Variants in SCNN1G observed in about 807,000 individuals in gnomAD.
SCNN1G encodes the protein sodium channel epithelial 1 subunit gamma.
A neutral mutation model predicts 64.6 loss-of-function variants in SCNN1G; 27 were observed. The ratio of observed to expected loss-of-function variants is 0.42; its 90% CI spans 0.31 to 0.58. The LOEUF is 0.58. SCNN1G is among the 20% of genes least tolerant of loss of function. The pLI, the probability that SCNN1G is intolerant of heterozygous loss-of-function variation, is 0.18. For missense variants in SCNN1G, 743 were observed against 823.4 expected (o/e 0.90, Z 1.19); for synonymous variants, 330 against 314.2 (o/e 1.05, Z -0.53).
Position 23,197,254 on chromosome 16 carries a change from A to G in SCNN1G, c.914-10A>G. 1 of 1,612,738 alleles carries G rather than the reference A, an allele frequency of 6.2e-7. No individual in the cohort carries two copies. Among genetic ancestry groups the G allele is most frequent in the Non-Finnish European group, 8.5e-7 (1 of 1,179,424 alleles). On this transcript the variant is annotated splice_polypyrimidine_tract_variant and intron_variant, in intron 5 of 12. Transcript: ENST00000300061. ...GCCTTGGATCACAGCAGGTTGTCTT[A>G]TCCTCCCAGGGCTGCAAGTCATTTT...
intron 9 of SCNN1G, 40 bp downstream of exon 9, chr16:23,212,796 G>C (rs754031854): frequency 9.3e-6 from 15 of 1,613,708 alleles, no homozygotes; most frequent in Non-Finnish European, 1.3e-5. Flanking sequence ...GGCTGGGTTG[G>C]GTTGGGCTGC....
At chr16:23,213,414 G>C (rs1282367935) in intron 11 of SCNN1G, among the ~76,000 whole-genome samples, 1 of 151,968 alleles carries the variant, frequency 6.6e-6, no homozygotes, top group East Asian at 1.9e-4. Flanking sequence ...CATCACATCT[G>C]GCTAATTTTA....
intron 1 of SCNN1G, among the ~76,000 whole-genome samples, chr16:23,184,119 CT>C (rs1167962434): frequency 2.0e-5 from 3 of 152,166 alleles, no homozygotes; most frequent in Admixed American, 6.5e-5. Context: ...TCTTGTTTTG[CT>C]TTGAAGTTGA....
At chr16:23,196,274 C>G (rs903278054) in intron 5 of SCNN1G, 10 of 152,070 alleles carry the variant, frequency 6.6e-5, no homozygotes, top group African/African-American at 1.9e-4. Context: ...GGGCAAAGGC[C>G]CTGGGAAGGA....
intron 1 of SCNN1G, among the ~76,000 whole-genome samples, chr16:23,185,067 G>A (rs964719338): frequency 7.2e-5 from 11 of 152,258 alleles, no homozygotes; most frequent in Admixed American, 3.3e-4. Flanking sequence ...TGCACCCAGC[G>A]TACTACCAGG....
chr16:23,212,287 T>A lies in SCNN1G; in HGVS notation c.1294+136T>A, dbSNP rs1453612309. The stretch of plus-strand genomic sequence containing the variant: ...ATTGGTTGAGAGCCATTAACTAGAG[T>A]TTTACTTCTGTTGTCAAGCCTGGCT... On this transcript the variant is annotated intron_variant, in intron 8 of 12. Transcript: ENST00000300061. The A allele has an allele frequency of 1.9e-5, 14 of 722,742 alleles. No homozygotes were observed. The Admixed American group carries it at 2.7e-4, about 14-fold the overall frequency. The allele number at this position is 722,742 out of a possible 1,614,324, so 44.8% of individuals were successfully genotyped here. A position where few individuals can be genotyped will look rare whatever the true frequency, so the allele number is the denominator to read the frequency against.
chr16:23,202,509 A>T (rs1937949074), intron 6 of SCNN1G, among the ~76,000 whole-genome samples: 1 of 152,232 alleles, frequency 6.6e-6, no homozygotes, highest in African/African-American at 2.4e-5. Context: ...CAAAGAATGT[A>T]GCAATTACAG....
At chr16:23,213,597 G>A (rs1960116702) in intron 11 of SCNN1G, among the ~76,000 whole-genome samples, 1 of 152,132 alleles carries the variant, frequency 6.6e-6, no homozygotes, top group Admixed American at 6.5e-5. Context: ...TCAAAGCTGG[G>A]AGACGGTGAA....
chr16:23,200,294 A>AT (rs1959868626), intron 6 of SCNN1G, among the ~76,000 whole-genome samples: 1 of 151,768 alleles, frequency 6.6e-6, no homozygotes, highest in South Asian at 2.1e-4. Context: ...AATTTAAAAA[A>AT]TTTTTAGAGT....
Position 23,189,683 on chromosome 16 carries a change from C to T in SCNN1G, c.618+12C>T. On this transcript the variant is annotated intron_variant, in intron 3 of 12. Transcript: ENST00000300061. ...TGGGATTCCAACTGGTAAGATTTCA[C>T]CTTCTCATTCTTTCACTGCTTAGGG... 5.0e-6 allele frequency: 8 copies of T among 1,613,316 alleles called. No individual in the cohort carries two copies. Among genetic ancestry groups the T allele is most frequent in the Non-Finnish European group, 6.8e-6 (8 of 1,179,242 alleles).
Position 23,189,595 on chromosome 16 carries a change from A to T in SCNN1G, c.542A>T (p.Lys181Ile). 1.9e-6 allele frequency: 3 copies of T among 1,614,232 alleles called. No homozygotes were observed. The South Asian group carries it at 3.3e-5, about 18-fold the overall frequency. ...GACTTCTTCACAGGGAGGAAGCGGAAAGTCGGCGGTAGCATCATTCACAAG... is the reference window on the plus strand; with the variant it reads ...GACTTCTTCACAGGGAGGAAGCGGATAGTCGGCGGTAGCATCATTCACAAG... ...ARDFFTGRKR[K>I]VGGSIIHKAS... is the part of the protein sequence containing the mutation. Residue 181 changes from lysine to isoleucine, a missense_variant, in exon 3 of 13, where the codon AAA (lysine) becomes ATA (isoleucine). Lys to Ile is a moderately radical substitution (Grantham distance 102). Coordinates refer to ENST00000300061, the MANE Select transcript of SCNN1G (RefSeq NM_001039.4).
intron 2 of SCNN1G, among the ~76,000 whole-genome samples, chr16:23,188,263 C>G (rs2141928580): frequency 6.6e-6 from 1 of 152,318 alleles, no homozygotes; most frequent in South Asian, 2.1e-4. Flanking sequence ...AATCTCAGCA[C>G]TTTCAGAAGC....
intron 1 of SCNN1G, among the ~76,000 whole-genome samples, chr16:23,185,953 C>T (rs1959598364): frequency 6.6e-6 from 1 of 152,200 alleles, no homozygotes; most frequent in African/African-American, 2.4e-5. Context: ...CCAGCCAGCG[C>T]TTCGCAGGTT....
intron 6 of SCNN1G, among the ~76,000 whole-genome samples, chr16:23,204,965 AC>A (rs1467087636): frequency 6.6e-6 from 1 of 151,910 alleles, no homozygotes; most frequent in Non-Finnish European, 1.5e-5. Flanking sequence ...GGCGTGCACC[AC>A]CACACCTACC....
chr16:23,208,183 A>C (rs751074490), intron 6 of SCNN1G, among the ~76,000 whole-genome samples: 4 of 152,118 alleles, frequency 2.6e-5, no homozygotes, highest in African/African-American at 4.8e-5. Flanking sequence ...AGTAATCCAC[A>C]ATAAAACATC....
intron 11 of SCNN1G, among the ~76,000 whole-genome samples, chr16:23,213,604 T>C (rs976912488): frequency 6.6e-6 from 1 of 152,182 alleles, no homozygotes; most frequent in African/African-American, 2.4e-5. Flanking sequence ...TGGGAGACGG[T>C]GAACTCACAT....
intron 12 of SCNN1G, 44 bp from the exon 13 acceptor site, chr16:23,215,044 TG>T (rs762625791): frequency 6.6e-5 from 106 of 1,612,836 alleles, no homozygotes; most frequent in African/African-American, 6.1e-4. Context: ...GAGGCCAACT[TG>T]GGGGGAGGTT....
Position 23,208,103 on chromosome 16 carries a change from C to T in SCNN1G, c.1078-1647C>T, listed in dbSNP as rs144644605. 2.0e-5 allele frequency among the ~76,000 whole-genome samples: 3 copies of T among 152,346 alleles called. No individual in the cohort carries two copies. The East Asian group carries it at 5.8e-4, about 29-fold the overall frequency. On this transcript the variant is annotated intron_variant, in intron 6 of 12. Transcript: ENST00000300061. ...CTTAGAAGATGTTATCCTCCCACCC[C>T]CATTTTTGCTTGTTTGGCTTGGCTG...
At chr16:23,186,965 AT>A (rs1312938230) in intron 2 of SCNN1G, among the ~76,000 whole-genome samples, 15 of 151,710 alleles carry the variant, frequency 9.9e-5, no homozygotes, top group African/African-American at 3.4e-4. Context: ...CGCCAGGCTA[AT>A]TTTTTTGTGT....
Sources: allele counts gnomAD v4.1 joint callset (sites outside exome capture counted in the v4.1 genomes callset), GRCh38; gene constraint gnomAD v4.1.1; transcripts MANE v1.5; gene names NCBI Gene and HGNC (gene_info 2026-07-23, HGNC 2026-07-21).